GOLGA8J: variants seen among roughly 807,000 people sequenced by gnomAD.
GOLGA8J encodes the protein golgin A8 family member J, also known as golgin subfamily A member 8J.
Under a neutral mutation model 67.7 loss-of-function variants are expected in GOLGA8J, and 19 were observed. The observed-to-expected ratio is 0.28, with a 90% CI of 0.20 to 0.41. The LOEUF (loss-of-function observed/expected upper bound fraction) is 0.41. Among genes scored for constraint, GOLGA8J ranks in the 10% least tolerant of loss-of-function variants. The pLI, the probability that GOLGA8J is intolerant of heterozygous loss-of-function variation, is 1.00. For missense variants in GOLGA8J, 205 were observed against 584.3 expected, an observed-to-expected ratio of 0.35 and a Z score of 6.69; for synonymous variants, 69 against 215.9, an observed-to-expected ratio of 0.32 and a Z score of 5.97.
Position 30,092,927 on chromosome 15 carries a change from T to A in GOLGA8J, c.1506T>A (p.Arg502=). The A allele has an allele frequency of 2.7e-6, 4 of 1,484,256 alleles. No individual in the cohort carries two copies. Among genetic ancestry groups the A allele is most frequent in the Non-Finnish European group, 3.6e-6 (4 of 1,109,544 alleles). The allele number at this position is 1,484,256 out of a possible 1,614,324, so 91.9% of individuals were successfully genotyped here. Residue 502 remains arginine (R), a synonymous_variant, in exon 17 of 19, where the codon CGT becomes CGA. Coordinates refer to ENST00000567927, the MANE Select transcript of GOLGA8J (RefSeq NM_001282472.2). ...ACCTTTTATCAGAACCAGGGGGCCGTGCCAAAGATGCGGCACTGGGAGGAG... is the reference window on the plus strand; with the variant it reads ...ACCTTTTATCAGAACCAGGGGGCCGAGCCAAAGATGCGGCACTGGGAGGAG... ...THHLLSEPGG[R]AKDAALGGGH...
In GOLGA8J at chr15:30,093,961, C is replaced by T. The variant is rs1002144957; in HGVS notation, c.*462C>T. Among the ~76,000 whole-genome samples the T allele has an allele frequency of 1.8e-4, 26 of 145,114 alleles. No homozygotes were observed. Among genetic ancestry groups the T allele is most frequent in the Admixed American group, 1.6e-3 (24 of 14,744 alleles). ...TTAATCACAGTGAGCTCTTCATTAGCTCAATATGTAGTTTGCCCCCAAGTG... is the reference window on the plus strand; with the variant it reads ...TTAATCACAGTGAGCTCTTCATTAGTTCAATATGTAGTTTGCCCCCAAGTG... On this transcript the variant is annotated 3_prime_UTR_variant, in exon 19 of 19. Transcript: ENST00000567927.
rs1487825892 is a variant in GOLGA8J at position 30,096,258 on chromosome 15, G to C, written c.*2759G>C. 6.7e-6 allele frequency among the ~76,000 whole-genome samples: 1 copy of C among 149,276 alleles called. No homozygotes were observed. Among genetic ancestry groups the C allele is most frequent in the African/African-American group, 2.5e-5 (1 of 39,974 alleles). ...ATTTTAAAAGTATTTGATTCAACCT[G>C]ATAATTTTCCAGAAATGAAAAAAAA... On this transcript the variant is annotated 3_prime_UTR_variant, in exon 19 of 19. Transcript: ENST00000567927.
rs1454667209 is a variant in GOLGA8J, at chr15:30,095,034, A to C, written c.*1535A>C. Among the ~76,000 whole-genome samples, 1 of 144,984 alleles carries C rather than the reference A, an allele frequency of 6.9e-6. No homozygotes were observed. The highest frequency in any genetic ancestry group is 1.5e-5 in the Non-Finnish European group (1 of 67,248). On this transcript the variant is annotated 3_prime_UTR_variant, in exon 19 of 19. Coordinates refer to ENST00000567927, the MANE Select transcript of GOLGA8J (RefSeq NM_001282472.2). ...TTTCTGTTCGGGACATATTTTGTGC[A>C]ATATTTATGTGATTGTGCCTATGCA...
At position 30,090,393 on chromosome 15, in the gene GOLGA8J, C is replaced by G. The variant is rs576347069; in HGVS notation, c.1200+113C>G. The G allele has an allele frequency of 1.1e-5, 17 of 1,524,418 alleles. 1 individual carries two copies. The Admixed American group carries it at 3.1e-4, about 28-fold the overall frequency. The allele number at this position is 1,524,418 out of a possible 1,614,324, so 94.4% of individuals were successfully genotyped here. On this transcript the variant is annotated intron_variant, in intron 13 of 18. Coordinates refer to ENST00000567927, the MANE Select transcript of GOLGA8J (RefSeq NM_001282472.2). ...CAGCTTCCAGCCTGGGGGCTGGTGACCACAGCACCCCCCAGGGCAGTCCTG... is the reference window on the plus strand; with the variant it reads ...CAGCTTCCAGCCTGGGGGCTGGTGAGCACAGCACCCCCCAGGGCAGTCCTG...
At position 30,090,418 on chromosome 15, in the gene GOLGA8J, G is replaced by T. The variant is rs369961602; in HGVS notation, c.1200+138G>T. On this transcript the variant is annotated intron_variant, in intron 13 of 18. Coordinates refer to ENST00000567927, the MANE Select transcript of GOLGA8J (RefSeq NM_001282472.2). ...CCACAGCACCCCCCAGGGCAGTCCT[G>T]TGACTGTTTCTTGCTTCCTGCCTCT... is the stretch of plus-strand genomic sequence containing the variant. 1.4e-4 allele frequency: 206 copies of T among 1,523,256 alleles called. 2 individuals carry two copies. The East Asian group carries it at 4.5e-3, about 34-fold the overall frequency. 94.4% of individuals were successfully genotyped at this position (1,523,256 alleles called of 1,614,324 possible).
intron 13 of GOLGA8J, among the ~76,000 whole-genome samples, chr15:30,090,498 C>T (rs879994244): frequency 6.8e-5 from 10 of 147,758 alleles, no homozygotes; most frequent in Admixed American, 4.7e-4. Flanking sequence ...ATCATCATCC[C>T]AGCTAGAGGC....
chr15:30,090,477 A>C (rs1326693918), intron 13 of GOLGA8J, among the ~76,000 whole-genome samples, 197 bp downstream of exon 13: 10 of 148,140 alleles, frequency 6.8e-5, no homozygotes, highest in Non-Finnish European at 1.3e-4. Flanking sequence ...GGGCTCCTCT[A>C]AGGTCTGGAC....
chr15:30,089,559 G>A (rs1595388000), intron 11 of GOLGA8J, 141 bp from the exon 12 acceptor site: 5 of 969,358 alleles, frequency 5.2e-6, no homozygotes, highest in Non-Finnish European at 7.4e-6. Flanking sequence ...AAAGTGCTTT[G>A]GAAGACTGGC....
At chr15:30,091,184 TCACACCCAG>T in intron 13 of GOLGA8J, among the ~76,000 whole-genome samples, 1 of 99,678 alleles carries the variant, frequency 1.0e-5, no homozygotes, top group African/African-American at 4.8e-5. Flanking sequence ...CCACGTGCCC[TCACACCCAG>T]GGTCTTCCTG....
chr15:30,088,901 G>A (rs1296568944), intron 9 of GOLGA8J, 32 bp from the exon 10 acceptor site: 1 of 1,478,680 alleles, frequency 6.8e-7, no homozygotes, highest in Non-Finnish European at 9.1e-7. Flanking sequence ...ACCAGTGACA[G>A]CCCTTCCTAA....
intron 13 of GOLGA8J, 52 bp from the exon 14 acceptor site, chr15:30,091,483 G>GA: frequency 1.3e-6 from 2 of 1,556,648 alleles, no homozygotes; most frequent in Non-Finnish European, 1.7e-6. Flanking sequence ...GGGGCTGTGA[G>GA]GGGGATGACC....
At chr15:30,093,263 T>G in intron 18 of GOLGA8J, 24 bp downstream of exon 18, 1 of 1,576,520 alleles carries the variant, frequency 6.3e-7, no homozygotes, top group Non-Finnish European at 8.5e-7. Flanking sequence ...TCAGGTGGGG[T>G]GGGCAGGCAG....
Position 30,088,954 on chromosome 15 carries a change from G to C in GOLGA8J, c.700G>C (p.Val234Leu), listed in dbSNP as rs2057367275. The C allele has an allele frequency of 4.6e-6, 7 of 1,516,356 alleles. 1 individual carries two copies. The East Asian group carries it at 7.0e-5, about 15-fold the overall frequency. 93.9% of individuals were successfully genotyped at this position (1,516,356 alleles called of 1,614,324 possible). A position where few individuals can be genotyped will look rare whatever the true frequency, so the allele number is the denominator to read the frequency against. ...LTQFKESFQQ[V>L]QLERDEYSEH... The stretch of plus-strand genomic sequence containing the variant: ...GCAGTTCAAGGAGTCATTTCAACAA[G>C]TCCAATTAGAAAGAGATGAGTATTC... Residue 234 changes from valine to leucine, a missense_variant, in exon 10 of 19, where the codon GTC (valine) becomes CTC (leucine). By Grantham distance (32) the Val-to-Leu change is conservative. Transcript: ENST00000567927.
chr15:30,087,792 T>G, intron 8 of GOLGA8J, 108 bp downstream of exon 8: 1 of 784,096 alleles, frequency 1.3e-6, no homozygotes, highest in Non-Finnish European at 2.1e-6. Flanking sequence ...GAAGGCAGCA[T>G]GGCCATTTCT....
chr15:30,094,318 G>T lies in GOLGA8J; in HGVS notation c.*819G>T, dbSNP rs1409491718. Among the ~76,000 whole-genome samples the T allele has an allele frequency of 3.5e-4, 52 of 147,738 alleles. 5 individuals are homozygous for T. The highest frequency in any genetic ancestry group is 1.3e-3 in the African/African-American group (50 of 38,418). ...ACTCTTTTTCGATGACCTAAAAAGG[G>T]CTTATTTCTGAGGAATGAAAGGTTC... On this transcript the variant is annotated 3_prime_UTR_variant, in exon 19 of 19. Transcript: ENST00000567927.
rs2057418342 is a variant in GOLGA8J, at chr15:30,092,423, A to C, written c.1369-285A>C. 6.6e-6 allele frequency: 3 copies of C among 457,416 alleles called. No individual in the cohort carries two copies. In the South Asian group the frequency reaches 2.7e-4, roughly 41 times the overall value. The allele number at this position is 457,416 out of a possible 1,614,324, so 28.3% of individuals were successfully genotyped here. On this transcript the variant is annotated intron_variant, in intron 15 of 18. Transcript: ENST00000567927. ...TTCAAGTCCGCTGGAGCTAGTGCCC[A>C]GGAGAAGCAGGCACAGTTACAAGAG... is the stretch of plus-strand genomic sequence containing the variant.
intron 8 of GOLGA8J, chr15:30,088,079 G>GTGTGTGTGTGTGTA (rs1431708118): frequency 5.6e-5 from 25 of 443,458 alleles, no homozygotes; most frequent in African/African-American, 5.4e-4. Context: ...GTGTGTGTGT[G>GTGTGTGTGTGTGTA]CATACTGTGA....
chr15:30,090,344 G>T lies in GOLGA8J; in HGVS notation c.1200+64G>T. ...CTGGGAGGCGGGCAGCAGCCTCTTG[G>T]GAGGGGAGGTGCCAGGCCAGAGGCA... On this transcript the variant is annotated intron_variant, in intron 13 of 18. Coordinates refer to ENST00000567927, the MANE Select transcript of GOLGA8J (RefSeq NM_001282472.2). 1.5e-6 allele frequency: 2 copies of T among 1,368,304 alleles called. 1 individual carries two copies. The highest frequency in any genetic ancestry group is 5.0e-5 in the East Asian group (2 of 40,242). 84.8% of individuals were successfully genotyped at this position (1,368,304 alleles called of 1,614,324 possible).
rs577441131 is a variant in GOLGA8J, at chr15:30,092,022, C to G, written c.1277-20C>G. 5.6e-6 allele frequency: 9 copies of G among 1,598,202 alleles called. No individual in the cohort carries two copies. The highest frequency in any genetic ancestry group is 6.8e-6 in the Non-Finnish European group (8 of 1,173,790). ...TCCCTTGTTGGGTTGTCTGAAGACC[C>G]GTCTGACCACCCCCCACAGGACACG... On this transcript the variant is annotated intron_variant, in intron 14 of 18. Transcript: ENST00000567927.
Sources: allele counts gnomAD v4.1 joint callset (sites outside exome capture counted in the v4.1 genomes callset), GRCh38; gene constraint gnomAD v4.1.1; transcripts MANE v1.5; gene names NCBI Gene and HGNC (gene_info 2026-07-23, HGNC 2026-07-21).